HMGB1: variants seen among roughly 807,000 people sequenced by gnomAD.
HMGB1 encodes the protein high mobility group box 1, also known as high mobility group protein B1.
For synonymous variants in HMGB1, 81 were observed against 84.0 expected, an observed-to-expected ratio of 0.96 and a Z score of 0.19; for missense variants, 79 against 253.5, an observed-to-expected ratio of 0.31 and a Z score of 4.67.
chr13:30,547,049 G>T (rs534028968), intron 1 of HMGB1, among the ~76,000 whole-genome samples: 1 of 152,358 alleles, frequency 6.6e-6, no homozygotes, highest in South Asian at 2.1e-4. Context: ...CAGAGATAAT[G>T]TGTGTGGCCC....
At chr13:30,532,248 T>C (rs541287378) in intron 1 of HMGB1, among the ~76,000 whole-genome samples, 6 of 149,226 alleles carry the variant, frequency 4.0e-5, no homozygotes, top group Admixed American at 2.7e-4. Context: ...GGCAGGAGAA[T>C]CGCTTGAACC....
intron 1 of HMGB1, among the ~76,000 whole-genome samples, chr13:30,538,057 A>G (rs1274776318): frequency 1.3e-5 from 2 of 152,214 alleles, no homozygotes; most frequent in Admixed American, 1.3e-4. Context: ...AAGACACACA[A>G]AGGTGAATGT....
chr13:30,596,347 T>C (rs1421577607), intron 1 of HMGB1, among the ~76,000 whole-genome samples: 1 of 152,188 alleles, frequency 6.6e-6, no homozygotes. Context: ...GCCAGATAAG[T>C]CTGTCTTTAT....
chr13:30,540,495 C>T (rs1280573126), intron 1 of HMGB1: 1 of 156,502 alleles, frequency 6.4e-6, no homozygotes, highest in East Asian at 1.9e-4. Context: ...AATGCTGTGT[C>T]ATGAACCTGG....
intron 1 of HMGB1, among the ~76,000 whole-genome samples, chr13:30,501,828 C>G (rs1887740944): frequency 6.6e-6 from 1 of 152,104 alleles, no homozygotes. Flanking sequence ...AATCATCAAT[C>G]AGATAATGTA....
intron 1 of HMGB1, among the ~76,000 whole-genome samples, chr13:30,517,529 A>C (rs1291165388): frequency 2.0e-5 from 3 of 152,180 alleles, no homozygotes; most frequent in African/African-American, 7.2e-5. Context: ...CTCAGCCTCC[A>C]GAGTAGCTGG....
At chr13:30,489,175 G>T (rs1165303316) in intron 1 of HMGB1, among the ~76,000 whole-genome samples, 2 of 152,066 alleles carry the variant, frequency 1.3e-5, no homozygotes, top group Admixed American at 1.3e-4. Flanking sequence ...CAAAACCCTA[G>T]AACTTTAATT....
At chr13:30,615,545 C>T (rs1950552335) in intron 1 of HMGB1, among the ~76,000 whole-genome samples, 1 of 152,144 alleles carries the variant, frequency 6.6e-6, no homozygotes, top group Non-Finnish European at 1.5e-5. Context: ...AATTTTGTTG[C>T]CAAGCTTAAG....
intron 4 of HMGB1, 66 bp from the exon 5 acceptor site, chr13:30,461,599 T>G: frequency 6.4e-7 from 1 of 1,572,616 alleles, no homozygotes; most frequent in Admixed American, 1.9e-5. Context: ...AAATAGAACA[T>G]GGCAGAACTT....
intron 1 of HMGB1, among the ~76,000 whole-genome samples, chr13:30,478,316 G>A (rs1045712515): frequency 2.0e-5 from 3 of 152,136 alleles, no homozygotes; most frequent in African/African-American, 7.2e-5. Context: ...ACACACTCCA[G>A]CCTGGGGACA....
chr13:30,480,773 C>A (rs1339925972), intron 1 of HMGB1, among the ~76,000 whole-genome samples: 1 of 152,008 alleles, frequency 6.6e-6, no homozygotes, highest in African/African-American at 2.4e-5. Flanking sequence ...CCCTCCCCGC[C>A]CTTCTCTCTC....
chr13:30,462,348 G>A, intron 4 of HMGB1, 190 bp downstream of exon 4: 1 of 674,238 alleles, frequency 1.5e-6, no homozygotes, highest in Non-Finnish European at 2.7e-6. Flanking sequence ...CTTTGTCTGA[G>A]TCTGATTACA....
chr13:30,508,688 T>C (rs565070688), intron 1 of HMGB1, among the ~76,000 whole-genome samples: 1 of 152,300 alleles, frequency 6.6e-6, no homozygotes, highest in South Asian at 2.1e-4. Flanking sequence ...CCTTTCATTT[T>C]GACAATCAGG....
chr13:30,494,001 A>G lies in HMGB1; in HGVS notation c.-14-30307T>C, dbSNP rs181011296. ...AAGCATCTAATAAATGCTAGCCTTT[A>G]TTAAAAAAAAAAACTCTTTCAATGG... is the stretch of plus-strand genomic sequence containing the variant. On this transcript the variant is annotated intron_variant, in intron 1 of 4. Transcript: ENST00000405805. Among the ~76,000 whole-genome samples, 518 of 151,876 alleles carry G rather than the reference A, an allele frequency of 3.4e-3. 1 individual carries two copies. Among genetic ancestry groups the G allele is most frequent in the Non-Finnish European group, 5.3e-3 (363 of 67,970 alleles).
At chr13:30,489,431 G>T (rs1256639558) in intron 1 of HMGB1, among the ~76,000 whole-genome samples, 1 of 152,330 alleles carries the variant, frequency 6.6e-6, no homozygotes, top group South Asian at 2.1e-4. Context: ...CTGGTGGGAA[G>T]AGGATAGAAA....
intron 1 of HMGB1, among the ~76,000 whole-genome samples, chr13:30,575,084 A>G (rs1593321116): frequency 6.6e-6 from 1 of 152,362 alleles, no homozygotes; most frequent in Non-Finnish European, 1.5e-5. Flanking sequence ...TGGTGTGCAT[A>G]TGTTTATTAT....
At position 30,459,600 on chromosome 13, in the gene HMGB1, TTAAA is replaced by T. The variant is rs984653681; in HGVS notation, c.*1753_*1756del. The T allele has an allele frequency of 2.0e-5, 3 of 152,334 alleles. No homozygotes were observed. The highest frequency in any genetic ancestry group is 7.2e-5 in the African/African-American group (3 of 41,590). 9.4% of individuals were successfully genotyped at this position (152,334 alleles called of 1,614,324 possible). On this transcript the variant is annotated 3_prime_UTR_variant, in exon 5 of 5. Transcript: ENST00000341423. ...TGTATCTTGTTTTTAAAAATCTTGT[TTAAA>T]TCATTCTGAAAGTAAAACTAGTTTT... is the stretch of plus-strand genomic sequence containing the variant.
At chr13:30,477,447 G>T (rs561949966) in intron 1 of HMGB1, among the ~76,000 whole-genome samples, 28 of 152,282 alleles carry the variant, frequency 1.8e-4, no homozygotes, top group African/African-American at 6.5e-4. Flanking sequence ...GAATAGGACA[G>T]AAAGGAGCAG....
At chr13:30,537,558 T>A (rs190728165) in intron 1 of HMGB1, among the ~76,000 whole-genome samples, 4 of 150,544 alleles carry the variant, frequency 2.7e-5, no homozygotes, top group African/African-American at 7.3e-5. Context: ...TTAAAAAAAA[T>A]GTACTCTTTT....
Sources: gnomAD v4.1 joint callset for allele counts (sites outside exome capture counted in the v4.1 genomes callset) on GRCh38, gnomAD v4.1.1 for gene constraint, MANE v1.5 for transcripts, NCBI Gene and HGNC (gene_info 2026-07-23, HGNC 2026-07-21) for gene names.